Variants in GRM1 observed in about 807,000 individuals in gnomAD.
The protein encoded by GRM1 is glutamate metabotropic receptor 1.
GRM1 carries 33 observed loss-of-function variants against 90.9 expected under a neutral mutation model. The ratio of observed to expected loss-of-function variants is 0.36; its 90% CI spans 0.28 to 0.49. The LOEUF (loss-of-function observed/expected upper bound fraction) is 0.49. Among genes scored for constraint, GRM1 ranks in the 20% least tolerant of loss-of-function variants. The pLI is 0.99. For missense variants in GRM1, 1,190 were observed against 1,534.3 expected (o/e 0.78, Z 3.75); for synonymous variants, 700 against 613.2 (o/e 1.14, Z -2.09).
At chr6:146,165,120 C>T (rs1583098509) in intron 2 of GRM1, among the ~76,000 whole-genome samples, 1 of 152,116 alleles carries the variant, frequency 6.6e-6, no homozygotes, top group East Asian at 1.9e-4. Flanking sequence ...TATTCTCCTG[C>T]TTTTTTAGTT....
chr6:146,046,718 A>G (rs1791344461), intron 1 of GRM1, among the ~76,000 whole-genome samples: 1 of 152,060 alleles, frequency 6.6e-6, no homozygotes, highest in Non-Finnish European at 1.5e-5. Context: ...AAGCAAATAT[A>G]TGTAAAAAAT....
At chr6:146,074,133 A>T (rs1484160123) in intron 1 of GRM1, among the ~76,000 whole-genome samples, 1 of 152,128 alleles carries the variant, frequency 6.6e-6, no homozygotes, top group Non-Finnish European at 1.5e-5. Flanking sequence ...ATAGGAGGTC[A>T]TTATCCTGGG....
chr6:146,175,467 T>C (rs1159530115), intron 2 of GRM1, among the ~76,000 whole-genome samples: 2 of 152,210 alleles, frequency 1.3e-5, no homozygotes, highest in African/African-American at 2.4e-5. Context: ...CTCTCACAAG[T>C]TGTCTGGACA....
rs1220560424 is a variant in GRM1, at chr6:146,168,999, C to T, written c.950+9402C>T. ...AGTGTGATCAAATTTGGAAAAATGG[C>T]CATTATTTCTTCAAATATTATTTCT... On this transcript the variant is annotated intron_variant, in intron 2 of 7. Transcript: ENST00000282753. Among the ~76,000 whole-genome samples, 5 of 152,012 alleles carry T rather than the reference C, an allele frequency of 3.3e-5. No individual in the cohort carries two copies. The East Asian group carries it at 7.7e-4, about 23-fold the overall frequency.
chr6:146,273,931 G>C (rs1554290148), intron 2 of GRM1, among the ~76,000 whole-genome samples: 1 of 152,188 alleles, frequency 6.6e-6, no homozygotes, highest in Non-Finnish European at 1.5e-5. Context: ...CCTGGTAATG[G>C]AATTCAACCT....
At chr6:146,207,147 A>G (rs1475664670) in intron 2 of GRM1, among the ~76,000 whole-genome samples, 1 of 152,176 alleles carries the variant, frequency 6.6e-6, no homozygotes, top group Non-Finnish European at 1.5e-5. Context: ...AGAATGATTT[A>G]CTATTTATAT....
intron 2 of GRM1, among the ~76,000 whole-genome samples, chr6:146,202,858 T>C (rs976206157): frequency 1.3e-5 from 2 of 152,174 alleles, no homozygotes; most frequent in African/African-American, 4.8e-5. Context: ...TTCTGTCTGA[T>C]AGCATTTTAT....
At position 146,399,337 on chromosome 6, in the gene GRM1, C is replaced by T. The variant is rs779318893; in HGVS notation, c.2298C>T (p.Ser766=). The T allele has an allele frequency of 1.2e-6, 2 of 1,614,150 alleles. No individual in the cohort carries two copies. The highest frequency in any genetic ancestry group is 3.3e-5 in the Admixed American group (2 of 60,032). Reference sequence around the variant, plus strand: ...GCTACAATGGACTCCTCATCATGAGCTGTACCTACTATGCCTTCAAGACCC... The same window carrying T: ...GCTACAATGGACTCCTCATCATGAGTTGTACCTACTATGCCTTCAAGACCC... ...PLGYNGLLIM[S]CTYYAFKTRN... is the part of the protein sequence containing the mutation. The change falls in exon 7 of 8, where the codon AGC becomes AGT. Residue 766 remains serine (S), a synonymous_variant. Coordinates refer to ENST00000282753, the MANE Select transcript of GRM1 (RefSeq NM_001278064.2). The surrounding 1 kb of genome is among the most constrained non-coding windows in gnomAD (Gnocchi z 5.4).
At chr6:146,392,894 C>G (rs1300455695) in intron 6 of GRM1, among the ~76,000 whole-genome samples, 2 of 152,094 alleles carry the variant, frequency 1.3e-5, no homozygotes, top group South Asian at 2.1e-4. Flanking sequence ...GCATAGTATT[C>G]CATGGTGTAT....
chr6:146,297,597 A>C (rs552428683), intron 2 of GRM1, among the ~76,000 whole-genome samples: 18 of 152,288 alleles, frequency 1.2e-4, no homozygotes, highest in Admixed American at 3.3e-4. Flanking sequence ...GTTTTTCTTC[A>C]AATGGCAGGA....
At chr6:146,333,990 T>C (rs1784675215) in intron 3 of GRM1, among the ~76,000 whole-genome samples, 1 of 152,188 alleles carries the variant, frequency 6.6e-6, no homozygotes, top group Admixed American at 6.5e-5. Context: ...GACCTGCCCA[T>C]TGAAAGGATG....
chr6:146,369,045 C>A (rs898149498), intron 5 of GRM1, among the ~76,000 whole-genome samples: 3 of 151,838 alleles, frequency 2.0e-5, no homozygotes, highest in Non-Finnish European at 4.4e-5. Flanking sequence ...TGTGTTCAGG[C>A]TTTCCATTTC....
intron 1 of GRM1, among the ~76,000 whole-genome samples, chr6:146,136,249 C>A (rs1236200702): frequency 6.6e-6 from 1 of 152,160 alleles, no homozygotes; most frequent in African/African-American, 2.4e-5. Context: ...CATGGTAGTG[C>A]AGATATGTCT....
At chr6:146,250,903 C>G (rs1003714937) in intron 2 of GRM1, among the ~76,000 whole-genome samples, 8 of 152,128 alleles carry the variant, frequency 5.3e-5, no homozygotes, top group Non-Finnish European at 1.2e-4. Flanking sequence ...AAAAATTACA[C>G]CATAATTTCC....
intron 2 of GRM1, among the ~76,000 whole-genome samples, chr6:146,286,162 T>G (rs1411928299): frequency 2.0e-5 from 3 of 152,140 alleles, no homozygotes; most frequent in Non-Finnish European, 2.9e-5. Flanking sequence ...TTTAAAGTAC[T>G]TTAAACACTA....
intron 1 of GRM1, among the ~76,000 whole-genome samples, chr6:146,156,338 G>A (rs6901470): frequency 0.053 from 8,116 of 152,220 alleles, 708 homozygotes; most frequent in African/African-American, 0.18. Flanking sequence ...CCCAAGAGGC[G>A]GAGGTTGCAG....
chr6:146,370,846 T>A (rs1348236891), intron 5 of GRM1, among the ~76,000 whole-genome samples: 1 of 152,060 alleles, frequency 6.6e-6, no homozygotes, highest in East Asian at 1.9e-4. Flanking sequence ...GTAATCAAGA[T>A]TCGTGTAATT....
intron 5 of GRM1, among the ~76,000 whole-genome samples, chr6:146,375,521 G>C (rs893920620): frequency 1.6e-4 from 24 of 151,810 alleles, no homozygotes; most frequent in African/African-American, 5.6e-4. Context: ...TATTGTATTG[G>C]GGCCTGTCTC....
intron 2 of GRM1, among the ~76,000 whole-genome samples, chr6:146,260,821 T>G (rs1426404782): frequency 1.4e-5 from 2 of 139,932 alleles, no homozygotes; most frequent in African/African-American, 5.4e-5. Context: ...TTTTTTTTTT[T>G]TTTTTTTTTT....
Sources: gnomAD v4.1 joint callset for allele counts (sites outside exome capture counted in the v4.1 genomes callset) on GRCh38, gnomAD v4.1.1 for gene constraint, Gnocchi (gnomAD v3.1) non-coding constraint, MANE v1.5 for transcripts, NCBI Gene and HGNC (gene_info 2026-07-23, HGNC 2026-07-21) for gene names.